Variants in MSI2 observed in about 807,000 individuals in gnomAD.
The protein encoded by MSI2 is musashi RNA binding protein 2.
MSI2 carries 17 observed loss-of-function variants against 45.6 expected under a neutral mutation model. The ratio of observed to expected loss-of-function variants is 0.37; its 90% CI spans 0.26 to 0.56. The LOEUF (loss-of-function observed/expected upper bound fraction) is 0.56. MSI2 is among the 20% of genes least tolerant of loss of function. The probability of loss-of-function intolerance (pLI) is 0.77; values close to 1 mark genes in which losing one functional copy is unlikely to be tolerated. For synonymous variants in MSI2, 156 were observed against 158.2 expected (o/e 0.99, Z 0.11); for missense variants, 293 against 444.2 (o/e 0.66, Z 3.06).
chr17:57,453,129 TAA>T (rs2085050478), intron 6 of MSI2, among the ~76,000 whole-genome samples: 1 of 150,770 alleles, frequency 6.6e-6, no homozygotes. Context: ...GCCTCCCGAG[TAA>T]CTGGGATTAT....
chr17:57,382,786 A>G (rs997777951), intron 5 of MSI2, among the ~76,000 whole-genome samples: 1 of 152,264 alleles, frequency 6.6e-6, no homozygotes, highest in Non-Finnish European at 1.5e-5. Flanking sequence ...ATTAAAGGAC[A>G]GTTAAAACTA....
chr17:57,589,811 G>T (rs1904655850), intron 7 of MSI2, among the ~76,000 whole-genome samples: 1 of 152,214 alleles, frequency 6.6e-6, no homozygotes, highest in Admixed American at 6.5e-5. Context: ...TAGCGGCCAT[G>T]TCACGATGGA....
intron 5 of MSI2, among the ~76,000 whole-genome samples, chr17:57,354,258 G>T (rs1288428707): frequency 1.3e-5 from 2 of 152,196 alleles, no homozygotes; most frequent in East Asian, 3.8e-4. Flanking sequence ...CAGTAGCATA[G>T]CTCTGGTGAT....
intron 6 of MSI2, among the ~76,000 whole-genome samples, chr17:57,460,478 A>G (rs1312636542): frequency 1.3e-5 from 2 of 152,130 alleles, no homozygotes; most frequent in Non-Finnish European, 2.9e-5. Flanking sequence ...GTGGAAAAGA[A>G]AAGGAAAAAG....
chr17:57,403,990 G>A (rs1024041386), intron 6 of MSI2, among the ~76,000 whole-genome samples: 1 of 151,978 alleles, frequency 6.6e-6, no homozygotes, highest in African/African-American at 2.4e-5. Context: ...TCACACACAT[G>A]TGTACACCCC....
In MSI2 at chr17:57,256,651, C is replaced by A. The variant is rs1338541553; in HGVS notation, c.-92C>A. On this transcript the variant is annotated 5_prime_UTR_variant, in exon 1 of 14. Transcript: ENST00000284073. Reference sequence around the variant, plus strand: ...GGGGAGGAGGAGGGGGAGGAGGGAGCGGAGATCTCGGGGCTCGGAGCCGGC... The same window carrying A: ...GGGGAGGAGGAGGGGGAGGAGGGAGAGGAGATCTCGGGGCTCGGAGCCGGC... 1 of 489,870 alleles carries A rather than the reference C, an allele frequency of 2.0e-6. No homozygotes were observed. Among genetic ancestry groups the A allele is most frequent in the Non-Finnish European group, 3.3e-6 (1 of 302,398 alleles). 30.3% of individuals were successfully genotyped at this position (489,870 alleles called of 1,614,324 possible). A position where few individuals can be genotyped will look rare whatever the true frequency, so the allele number is the denominator to read the frequency against.
intron 7 of MSI2, among the ~76,000 whole-genome samples, chr17:57,592,948 C>T (rs749751000): frequency 3.3e-5 from 5 of 152,124 alleles, no homozygotes; most frequent in Non-Finnish European, 5.9e-5. Flanking sequence ...GCTTCCATGG[C>T]CGGGAACTCA....
intron 6 of MSI2, among the ~76,000 whole-genome samples, chr17:57,527,857 C>G (rs17821769): frequency 0.13 from 19,992 of 152,268 alleles, 1,361 homozygotes; most frequent in East Asian, 0.2. Flanking sequence ...TTTGATTTGT[C>G]TGCAGGCACC....
At chr17:57,581,346 G>A (rs2088202433) in intron 7 of MSI2, among the ~76,000 whole-genome samples, 1 of 151,988 alleles carries the variant, frequency 6.6e-6, no homozygotes, top group African/African-American at 2.4e-5. Context: ...TTTATAGGTG[G>A]GGACATAGGA....
intron 6 of MSI2, among the ~76,000 whole-genome samples, chr17:57,485,721 C>G (rs969711017): frequency 2.0e-5 from 3 of 152,188 alleles, no homozygotes; most frequent in African/African-American, 4.8e-5. Context: ...GAGTGTGGTT[C>G]CATGGAACTA....
intron 11 of MSI2, among the ~76,000 whole-genome samples, chr17:57,665,809 C>T (rs770394147): frequency 3.3e-5 from 5 of 152,138 alleles, no homozygotes; most frequent in South Asian, 2.1e-4. Flanking sequence ...GGAGTTCTAG[C>T]GAGGGCCCAG....
Position 57,309,895 on chromosome 17 carries a change from C to T in MSI2, c.312+47703C>T, listed in dbSNP as rs138915001. On this transcript the variant is annotated intron_variant, in intron 5 of 13. Coordinates refer to ENST00000284073, the MANE Select transcript of MSI2 (RefSeq NM_138962.4). ...TCAATAGATTCAGAAGCAGCCTGGG[C>T]CTGCCACGAGAAGCTGGCAGTGTTG... Among the ~76,000 whole-genome samples the T allele has an allele frequency of 3.2e-3, 493 of 152,290 alleles. 5 individuals carry two copies. Among genetic ancestry groups the T allele is most frequent in the African/African-American group, 0.012 (480 of 41,564 alleles).
chr17:57,257,018 C>T (rs1232535030), intron 1 of MSI2, 80 bp from the exon 2 acceptor site: 3 of 1,417,384 alleles, frequency 2.1e-6, no homozygotes, highest in African/African-American at 3.0e-5. Context: ...CCCCCGCTTT[C>T]CTTTTAGCTT....
At chr17:57,633,289 A>C in intron 10 of MSI2, 1 of 668,122 alleles carries the variant, frequency 1.5e-6, no homozygotes, top group Non-Finnish European at 1.9e-6. Context: ...TGCAGTTTCT[A>C]AAAGCATGCG....
chr17:57,547,808 T>C (rs535096344), intron 7 of MSI2, among the ~76,000 whole-genome samples: 1 of 147,130 alleles, frequency 6.8e-6, no homozygotes, highest in Non-Finnish European at 1.5e-5. Flanking sequence ...AGAATTAACA[T>C]AACCTACCCA....
intron 7 of MSI2, among the ~76,000 whole-genome samples, chr17:57,588,662 G>A (rs1486896520): frequency 6.6e-6 from 1 of 152,204 alleles, no homozygotes; most frequent in Non-Finnish European, 1.5e-5. Flanking sequence ...CCAACATAGA[G>A]CTGGAGTGGA....
intron 11 of MSI2, among the ~76,000 whole-genome samples, chr17:57,666,807 A>G (rs1257561989): frequency 6.6e-6 from 1 of 151,918 alleles, no homozygotes; most frequent in Non-Finnish European, 1.5e-5. Flanking sequence ...GCAACATGAG[A>G]GGGTGGCTGG....
intron 6 of MSI2, among the ~76,000 whole-genome samples, chr17:57,521,821 T>G (rs1277349249): frequency 1.3e-5 from 2 of 152,302 alleles, no homozygotes; most frequent in African/African-American, 4.8e-5. Flanking sequence ...GTGGCCTTGG[T>G]GAGCAGTCAC....
intron 6 of MSI2, among the ~76,000 whole-genome samples, chr17:57,515,428 C>A (rs1348684602): frequency 6.6e-6 from 1 of 152,194 alleles, no homozygotes; most frequent in Non-Finnish European, 1.5e-5. Context: ...TGGTCGTGAA[C>A]TCCTGACCTC....
Sources: gnomAD v4.1 joint callset for allele counts (sites outside exome capture counted in the v4.1 genomes callset) on GRCh38, gnomAD v4.1.1 for gene constraint, MANE v1.5 for transcripts, NCBI Gene and HGNC (gene_info 2026-07-23, HGNC 2026-07-21) for gene names.